ULK4: variants seen among roughly 807,000 people sequenced by gnomAD.
The protein encoded by ULK4 is unc-51 like kinase 4, also known as inactive serine/threonine-protein kinase ULK4.
In ULK4, 133 loss-of-function variants were observed where a neutral mutation model predicts 160.6. The observed-to-expected ratio is 0.83, with a 90% CI of 0.72 to 0.96. The LOEUF (loss-of-function observed/expected upper bound fraction) is 0.96, where lower values mean the gene tolerates loss of function less well. Ranked by LOEUF, ULK4 falls within the 40% of genes least tolerant of loss-of-function variation. The probability of loss-of-function intolerance (pLI) is 0.00; values close to 1 mark genes in which losing one functional copy is unlikely to be tolerated. For synonymous variants in ULK4, 534 were observed against 539.8 expected (o/e 0.99, Z 0.15); for missense variants, 1,580 against 1,499.5 (o/e 1.05, Z -0.89).
chr3:41,411,415 CCTTT>C (rs1160650664), intron 34 of ULK4, among the ~76,000 whole-genome samples: 1 of 140,124 alleles, frequency 7.1e-6, no homozygotes, highest in Non-Finnish European at 1.5e-5. Flanking sequence ...TCCAGACATT[CCTTT>C]CTTTTTTTTT....
At chr3:41,554,075 A>T (rs2087191127) in intron 32 of ULK4, among the ~76,000 whole-genome samples, 1 of 152,168 alleles carries the variant, frequency 6.6e-6, no homozygotes, top group African/African-American at 2.4e-5. Context: ...AATAACTGAG[A>T]ACATGTGAAA....
Position 41,716,210 on chromosome 3 carries a change from C to T in ULK4, c.2456-642G>A, listed in dbSNP as rs1215309138. 5.4e-4 allele frequency among the ~76,000 whole-genome samples: 50 copies of T among 91,968 alleles called. No homozygotes were observed. In the Admixed American group the frequency reaches 6.6e-3, roughly 12 times the overall value. 60.3% of individuals were successfully genotyped at this position (91,968 alleles called of 152,430 possible). On this transcript the variant is annotated intron_variant, in intron 23 of 36. Transcript: ENST00000301831. ...CCTGGGCGACAGAGCAAGACTCTGT[C>T]TCACAAAATAATAATAATAATAATA...
chr3:41,507,492 T>A (rs1379411742), intron 32 of ULK4, among the ~76,000 whole-genome samples: 2 of 151,562 alleles, frequency 1.3e-5, no homozygotes, highest in African/African-American at 4.8e-5. Flanking sequence ...ATGACAAATA[T>A]TCAGAAGCCC....
At chr3:41,777,347 A>G (rs2039663378) in intron 21 of ULK4, among the ~76,000 whole-genome samples, 1 of 47,054 alleles carries the variant, frequency 2.1e-5, no homozygotes, top group Non-Finnish European at 3.3e-5. Flanking sequence ...TGGTCTATCA[A>G]TTTTGTTGAT....
rs560335743 is a variant in ULK4, at chr3:41,623,956, A to G, written c.3072-8239T>C. On this transcript the variant is annotated intron_variant, in intron 30 of 36. Transcript: ENST00000301831. ...CCACAAATACACAATTATAATTGTC[A>G]GTTAAAAATAATTTTAAATAAATAA... Among the ~76,000 whole-genome samples, 166 of 152,346 alleles carry G rather than the reference A, an allele frequency of 1.1e-3. 1 individual carries two copies. Among genetic ancestry groups the G allele is most frequent in the African/African-American group, 3.8e-3 (160 of 41,592 alleles).
At chr3:41,338,541 A>T (rs1450452111) in intron 35 of ULK4, among the ~76,000 whole-genome samples, 1 of 151,950 alleles carries the variant, frequency 6.6e-6, no homozygotes, top group East Asian at 1.9e-4. Context: ...TAAAATTCCT[A>T]ATGTGAGGTG....
chr3:41,772,346 G>C lies in ULK4; in HGVS notation c.2193+17315C>G, dbSNP rs1045056902. 3.3e-5 allele frequency among the ~76,000 whole-genome samples: 5 copies of C among 151,936 alleles called. No homozygotes were observed. In the South Asian group the frequency reaches 8.3e-4, roughly 25 times the overall value. ...AGCAAGACTAATAAAGAAGAAAAGAGAGAAGAATCAAATAGATGCAATAAA... is the reference window on the plus strand; with the variant it reads ...AGCAAGACTAATAAAGAAGAAAAGACAGAAGAATCAAATAGATGCAATAAA... On this transcript the variant is annotated intron_variant, in intron 21 of 36. Transcript: ENST00000301831.
intron 5 of ULK4, among the ~76,000 whole-genome samples, chr3:41,928,897 T>C (rs1209502945): frequency 1.3e-5 from 2 of 152,110 alleles, no homozygotes; most frequent in Non-Finnish European, 2.9e-5. Flanking sequence ...CACAGCCGAA[T>C]TCGACCGGAG....
intron 35 of ULK4, among the ~76,000 whole-genome samples, chr3:41,262,668 A>G (rs962850876): frequency 1.7e-4 from 26 of 152,162 alleles, no homozygotes; most frequent in African/African-American, 4.1e-4. Context: ...CCCATAAGAC[A>G]TGATTATTTT....
chr3:41,405,043 G>A (rs1035627301), intron 34 of ULK4, among the ~76,000 whole-genome samples: 3 of 152,092 alleles, frequency 2.0e-5, no homozygotes, highest in Non-Finnish European at 2.9e-5. Context: ...ATTGCATGAC[G>A]CCAAGGTTTG....
chr3:41,658,043 T>C (rs2125751887), intron 30 of ULK4, among the ~76,000 whole-genome samples: 1 of 152,130 alleles, frequency 6.6e-6, no homozygotes, highest in East Asian at 1.9e-4. Context: ...ACAAAAAATA[T>C]TACCTGATCA....
chr3:41,827,687 T>C (rs1246086689), intron 18 of ULK4, among the ~76,000 whole-genome samples: 3 of 152,074 alleles, frequency 2.0e-5, no homozygotes, highest in Non-Finnish European at 1.5e-5. Context: ...AGTTCAGGAC[T>C]AGATGGATTC....
intron 31 of ULK4, among the ~76,000 whole-genome samples, chr3:41,595,196 G>A (rs1199833751): frequency 6.6e-6 from 1 of 152,180 alleles, no homozygotes; most frequent in African/African-American, 2.4e-5. Context: ...AGATGTGCAG[G>A]CCAGCTTCAG....
At chr3:41,924,051 A>C (rs1699291968) in intron 5 of ULK4, among the ~76,000 whole-genome samples, 1 of 152,188 alleles carries the variant, frequency 6.6e-6, no homozygotes, top group Non-Finnish European at 1.5e-5. Context: ...GCAGAACCAG[A>C]ATCCAGATGT....
intron 17 of ULK4, among the ~76,000 whole-genome samples, chr3:41,864,729 A>C (rs964626701): frequency 2.0e-5 from 3 of 152,052 alleles, no homozygotes; most frequent in Non-Finnish European, 4.4e-5. Flanking sequence ...TAAATCATCC[A>C]ACACTAAATC....
chr3:41,889,738 G>A (rs1474734834), intron 16 of ULK4, among the ~76,000 whole-genome samples: 2 of 152,172 alleles, frequency 1.3e-5, no homozygotes, highest in Non-Finnish European at 1.5e-5. Context: ...TGAACACAGA[G>A]TTATCATTTT....
intron 35 of ULK4, among the ~76,000 whole-genome samples, chr3:41,385,311 T>C (rs1274542001): frequency 2.0e-5 from 3 of 152,094 alleles, no homozygotes; most frequent in Non-Finnish European, 4.4e-5. Context: ...CTATCATCAA[T>C]GGCAACAGAA....
At chr3:41,397,833 G>A (rs1304979650) in intron 35 of ULK4, among the ~76,000 whole-genome samples, 2 of 152,102 alleles carry the variant, frequency 1.3e-5, no homozygotes, top group African/African-American at 2.4e-5. Flanking sequence ...AGATGTTAAG[G>A]AGTGTGAGGC....
At chr3:41,629,777 C>A (rs1286361579) in intron 30 of ULK4, among the ~76,000 whole-genome samples, 1 of 151,854 alleles carries the variant, frequency 6.6e-6, no homozygotes, top group Non-Finnish European at 1.5e-5. Context: ...ATCACTTGAG[C>A]ACCAAGAGTT....
Sources: allele counts gnomAD v4.1 joint callset (sites outside exome capture counted in the v4.1 genomes callset), GRCh38; gene constraint gnomAD v4.1.1; transcripts MANE v1.5; gene names NCBI Gene and HGNC (gene_info 2026-07-23, HGNC 2026-07-21).